Variants in MDGA2 observed in about 807,000 individuals in gnomAD.
The protein encoded by MDGA2 is MAM domain containing glycosylphosphatidylinositol anchor 2, also known as MAM domain-containing glycosylphosphatidylinositol anchor protein 2.
MDGA2 carries 40 observed loss-of-function variants against 117.8 expected under a neutral mutation model. That is an observed-to-expected ratio of 0.34 (90% CI 0.26 to 0.44). The LOEUF (loss-of-function observed/expected upper bound fraction) is 0.44, where lower values mean the gene tolerates loss of function less well. MDGA2 is among the 20% of genes least tolerant of loss of function. The pLI, the probability that MDGA2 is intolerant of heterozygous loss-of-function variation, is 1.00. For missense variants in MDGA2, 1,123 were observed against 1,250.6 expected, an observed-to-expected ratio of 0.90 and a Z score of 1.54; for synonymous variants, 452 against 439.0, an observed-to-expected ratio of 1.03 and a Z score of -0.37.
intron 1 of MDGA2, among the ~76,000 whole-genome samples, chr14:47,469,581 CTT>C (rs1226684513): frequency 1.3e-5 from 2 of 152,038 alleles, no homozygotes; most frequent in African/African-American, 2.4e-5. Flanking sequence ...GGTTCCAAGT[CTT>C]TGCTATTGTG....
chr14:47,121,375 G>T (rs1881642358), intron 5 of MDGA2, among the ~76,000 whole-genome samples: 1 of 151,746 alleles, frequency 6.6e-6, no homozygotes, highest in Admixed American at 6.6e-5. Flanking sequence ...ACTCTAACAT[G>T]CATAATAGTA....
At chr14:47,412,736 C>T (rs1209317948) in intron 1 of MDGA2, among the ~76,000 whole-genome samples, 1 of 152,244 alleles carries the variant, frequency 6.6e-6, no homozygotes, top group Non-Finnish European at 1.5e-5. Flanking sequence ...CCAACATCAG[C>T]TTCATTTCCT....
chr14:47,188,982 C>T (rs1274678199), intron 3 of MDGA2, among the ~76,000 whole-genome samples: 1 of 152,132 alleles, frequency 6.6e-6, no homozygotes, highest in East Asian at 1.9e-4. Context: ...CTCCTCTACC[C>T]CAACCAGGTT....
chr14:47,607,898 A>G (rs2138895284), intron 1 of MDGA2, among the ~76,000 whole-genome samples: 1 of 152,282 alleles, frequency 6.6e-6, no homozygotes. Context: ...AAAAGTGTTC[A>G]TAATATGATA....
At chr14:46,902,178 G>A (rs1883312881) in intron 10 of MDGA2, among the ~76,000 whole-genome samples, 1 of 152,026 alleles carries the variant, frequency 6.6e-6, no homozygotes, top group Non-Finnish European at 1.5e-5. Flanking sequence ...TTTTAGTTTA[G>A]TTGATTTTTT....
chr14:47,250,429 T>C (rs1315812547), intron 2 of MDGA2, among the ~76,000 whole-genome samples: 1 of 152,330 alleles, frequency 6.6e-6, no homozygotes, highest in Admixed American at 6.5e-5. Context: ...GGACTGAATG[T>C]GTATGTACCC....
rs1157465830 is a variant in MDGA2 at position 46,969,933 on chromosome 14, CATATATATATATATATAT to C, written c.1820-12308_1820-12291del. On this transcript the variant is annotated intron_variant, in intron 8 of 16. Transcript: ENST00000399232. The stretch of plus-strand genomic sequence containing the variant: ...ATGTACCTTAGAACTTAAAGTATTC[CATATATATATATATATAT>C]ATATATATATATATATATATATATA... 1.1e-3 allele frequency among the ~76,000 whole-genome samples: 17 copies of C among 15,298 alleles called. No individual in the cohort carries two copies. The South Asian group carries it at 0.012, about 11-fold the overall frequency. 10.0% of individuals were successfully genotyped at this position (15,298 alleles called of 152,430 possible).
At chr14:47,332,017 C>T (rs1436434247) in intron 1 of MDGA2, among the ~76,000 whole-genome samples, 4 of 151,958 alleles carry the variant, frequency 2.6e-5, no homozygotes, top group African/African-American at 7.2e-5. Flanking sequence ...TCCAGTTATT[C>T]GCATGTCTAG....
chr14:47,525,413 C>T (rs1428509198), intron 1 of MDGA2, among the ~76,000 whole-genome samples: 1 of 152,096 alleles, frequency 6.6e-6, no homozygotes, highest in East Asian at 1.9e-4. Flanking sequence ...TGGCCAGGCA[C>T]AGTGGTTCAG....
chr14:47,484,323 A>G (rs1182604680), intron 1 of MDGA2, among the ~76,000 whole-genome samples: 1 of 152,200 alleles, frequency 6.6e-6, no homozygotes, highest in East Asian at 1.9e-4. Context: ...TTTCATACAA[A>G]TATAGAGGGA....
intron 8 of MDGA2, among the ~76,000 whole-genome samples, chr14:46,965,792 C>T (rs2138302422): frequency 6.6e-6 from 1 of 152,088 alleles, no homozygotes; most frequent in Non-Finnish European, 1.5e-5. Context: ...TTAGAGCTCA[C>T]TATTGTGATA....
At chr14:47,524,872 G>C (rs1174361450) in intron 1 of MDGA2, among the ~76,000 whole-genome samples, 5 of 152,154 alleles carry the variant, frequency 3.3e-5, no homozygotes, top group Non-Finnish European at 7.3e-5. Flanking sequence ...TAAGCGAGTT[G>C]TGGTCATGAA....
rs35801678 is a variant in MDGA2 at position 47,079,727 on chromosome 14, A to ATTTTTTTTTTTTTTTTTTTTTTTT, written c.1195+17126_1195+17127insAAAAAAAAAAAAAAAAAAAAAAAA. On this transcript the variant is annotated intron_variant, in intron 6 of 16. Transcript: ENST00000399232. Reference sequence around the variant, plus strand: ...ATTTGTTTCAGCCGATTTTCTACTAATTTTTTTTTTTTTTTTTTTTTTGAG... The same window carrying ATTTTTTTTTTTTTTTTTTTTTTTT: ...ATTTGTTTCAGCCGATTTTCTACTAATTTTTTTTTTTTTTTTTTTTTTTTTTTTTTTTTTTTTTTTTTTTTTGAG... 2.6e-4 allele frequency among the ~76,000 whole-genome samples: 21 copies of ATTTTTTTTTTTTTTTTTTTTTTTT among 80,072 alleles called. 2 individuals are homozygous for ATTTTTTTTTTTTTTTTTTTTTTTT. The highest frequency in any genetic ancestry group is 1.1e-3 in the African/African-American group (20 of 17,520). 52.5% of individuals were successfully genotyped at this position (80,072 alleles called of 152,430 possible).
intron 2 of MDGA2, among the ~76,000 whole-genome samples, chr14:47,252,468 C>T (rs766311548): frequency 5.9e-5 from 9 of 151,856 alleles, no homozygotes; most frequent in Non-Finnish European, 1.3e-4. Context: ...TGTGAACTGG[C>T]TATTCCATTT....
At chr14:46,897,611 A>G (rs1015674246) in intron 10 of MDGA2, among the ~76,000 whole-genome samples, 2 of 120,460 alleles carry the variant, frequency 1.7e-5, no homozygotes, top group Non-Finnish European at 3.8e-5. Flanking sequence ...CTGAGGATTA[A>G]AAGAATTAAT....
At chr14:47,117,014 T>C (rs1444996913) in intron 5 of MDGA2, among the ~76,000 whole-genome samples, 1 of 151,884 alleles carries the variant, frequency 6.6e-6, no homozygotes, top group East Asian at 1.9e-4. Flanking sequence ...TATATCCAAT[T>C]GAGATTTCAA....
chr14:47,156,580 A>G (rs1390980010), intron 3 of MDGA2, among the ~76,000 whole-genome samples: 1 of 152,224 alleles, frequency 6.6e-6, no homozygotes, highest in Admixed American at 6.5e-5. Context: ...AAAAAAATCA[A>G]TTAATCTAAA....
Position 46,842,021 on chromosome 14 carries a change from T to C in MDGA2, c.2990-2A>G. ...TCCCAACAGCACCATCAACGGAATCTAAAGATAAGGAAAATAAATGCAAAC... is the reference window on the plus strand; with the variant it reads ...TCCCAACAGCACCATCAACGGAATCCAAAGATAAGGAAAATAAATGCAAAC... On this transcript the variant is annotated splice_acceptor_variant, in intron 16 of 16. Transcript: ENST00000399232. LOFTEE classifies it high-confidence loss of function. 6.2e-7 allele frequency: 1 copy of C among 1,605,292 alleles called. No homozygotes were observed. Among genetic ancestry groups the C allele is most frequent in the Non-Finnish European group, 8.5e-7 (1 of 1,173,134 alleles).
At chr14:47,404,927 G>C (rs909811493) in intron 1 of MDGA2, among the ~76,000 whole-genome samples, 1 of 152,108 alleles carries the variant, frequency 6.6e-6, no homozygotes, top group African/African-American at 2.4e-5. Flanking sequence ...TAGATTGTTT[G>C]CATCATAAAG....
Sources: allele counts gnomAD v4.1 joint callset (sites outside exome capture counted in the v4.1 genomes callset), GRCh38; gene constraint gnomAD v4.1.1; transcripts MANE v1.5; gene names NCBI Gene and HGNC (gene_info 2026-07-23, HGNC 2026-07-21).